Variants in R3HDM1 observed in about 807,000 individuals in gnomAD.
R3HDM1 encodes R3H domain-containing protein 1.
Under a neutral mutation model 141.1 loss-of-function variants are expected in R3HDM1, and 46 were observed. That is an observed-to-expected ratio of 0.33 (90% confidence interval 0.26 to 0.42). The LOEUF (loss-of-function observed/expected upper bound fraction) is 0.42. R3HDM1 is among the 10% of genes least tolerant of loss of function. The pLI is 1.00. For synonymous variants in R3HDM1, 435 were observed against 472.9 expected (o/e 0.92, Z 1.04); for missense variants, 1,184 against 1,368.3 (o/e 0.87, Z 2.12).
At chr2:135,707,160 A>G (rs1273256747) in intron 21 of R3HDM1, among the ~76,000 whole-genome samples, 3 of 152,234 alleles carry the variant, frequency 2.0e-5, no homozygotes, top group East Asian at 1.9e-4. Flanking sequence ...TAGGATATCA[A>G]CTTTGAATGA....
chr2:135,686,653 A>C (rs372302441), intron 21 of R3HDM1, among the ~76,000 whole-genome samples: 8 of 152,330 alleles, frequency 5.3e-5, no homozygotes, highest in East Asian at 3.9e-4. Flanking sequence ...GTGGGAAGAT[A>C]ACTTGAACCT....
intron 7 of R3HDM1, among the ~76,000 whole-genome samples, chr2:135,624,390 T>C (rs1164758141): frequency 3.0e-5 from 4 of 133,622 alleles, no homozygotes; most frequent in African/African-American, 1.1e-4. Flanking sequence ...CGAGACTCCG[T>C]CTCAAAAAAA....
At chr2:135,622,407 G>A (rs918499444) in intron 6 of R3HDM1, 65 of 984,270 alleles carry the variant, frequency 6.6e-5, no homozygotes, top group Non-Finnish European at 7.4e-5. Context: ...ACAGACACAT[G>A]TGAGAGGTTA....
chr2:135,593,707 C>CT (rs1434895459), intron 1 of R3HDM1, among the ~76,000 whole-genome samples: 1 of 151,874 alleles, frequency 6.6e-6, no homozygotes, highest in Non-Finnish European at 1.5e-5. Context: ...CTAGAATTTT[C>CT]TTTTTTATTT....
At chr2:135,572,962 A>G (rs1352302669) in intron 1 of R3HDM1, among the ~76,000 whole-genome samples, 1 of 152,232 alleles carries the variant, frequency 6.6e-6, no homozygotes, top group Non-Finnish European at 1.5e-5. Context: ...GTAAATCTAT[A>G]GAGACAGTAG....
intron 21 of R3HDM1, among the ~76,000 whole-genome samples, chr2:135,689,876 A>G (rs2072030825): frequency 1.3e-5 from 2 of 152,184 alleles, no homozygotes; most frequent in African/African-American, 2.4e-5. Flanking sequence ...GATATCTTCA[A>G]AATGCTCTCA....
chr2:135,709,700 C>G (rs935593442), intron 22 of R3HDM1, among the ~76,000 whole-genome samples, 164 bp downstream of exon 22: 4 of 152,214 alleles, frequency 2.6e-5, no homozygotes, highest in Non-Finnish European at 5.9e-5. Context: ...GTGCAGTCCA[C>G]TTCTTCCTTT....
chr2:135,590,938 T>C (rs1709120641), intron 1 of R3HDM1, among the ~76,000 whole-genome samples: 1 of 152,160 alleles, frequency 6.6e-6, no homozygotes, highest in Non-Finnish European at 1.5e-5. Flanking sequence ...GGTGCTTTCT[T>C]GAGAGAGGGC....
intron 1 of R3HDM1, among the ~76,000 whole-genome samples, chr2:135,562,366 A>G (rs1437989674): frequency 6.6e-6 from 1 of 152,244 alleles, no homozygotes; most frequent in Non-Finnish European, 1.5e-5. Context: ...TATTAACAAC[A>G]TACTAATTCT....
At chr2:135,559,577 A>G (rs1456230493) in intron 1 of R3HDM1, among the ~76,000 whole-genome samples, 2 of 152,228 alleles carry the variant, frequency 1.3e-5, no homozygotes, top group Admixed American at 1.3e-4. Context: ...AAGTATATTT[A>G]TATGCCTTAA....
At position 135,578,453 on chromosome 2, in the gene R3HDM1, A is replaced by G. The variant is rs142721041; in HGVS notation, c.-249-24047A>G. 4.8e-3 allele frequency among the ~76,000 whole-genome samples: 725 copies of G among 152,322 alleles called. 2 individuals carry two copies. Among genetic ancestry groups the G allele is most frequent in the African/African-American group, 0.01 (427 of 41,562 alleles). On this transcript the variant is annotated intron_variant, in intron 1 of 26. Transcript: ENST00000683871. ...GATAGGGAGCAGCACTTCTCTGACTATAGTTTTTTATATGACTTTGACTCT... is the reference window on the plus strand; with the variant it reads ...GATAGGGAGCAGCACTTCTCTGACTGTAGTTTTTTATATGACTTTGACTCT...
intron 19 of R3HDM1, among the ~76,000 whole-genome samples, chr2:135,663,134 CA>C (rs555551580): frequency 2.4e-3 from 221 of 90,890 alleles, no homozygotes; most frequent in Middle Eastern, 5.1e-3. Context: ...GCCTCTCTGC[CA>C]AAAAAAAAAA....
At chr2:135,572,506 A>G (rs1010306377) in intron 1 of R3HDM1, among the ~76,000 whole-genome samples, 3 of 152,220 alleles carry the variant, frequency 2.0e-5, no homozygotes, top group Admixed American at 6.5e-5. Flanking sequence ...CTTCATGCCC[A>G]CTAGGATGAC....
chr2:135,583,885 C>T (rs1707312466), intron 1 of R3HDM1: 2 of 985,272 alleles, frequency 2.0e-6, no homozygotes, highest in African/African-American at 1.7e-5. Context: ...TGCCCCAGTT[C>T]CTATCATTCA....
chr2:135,654,641 G>T (rs2065576250), intron 18 of R3HDM1, among the ~76,000 whole-genome samples: 2 of 152,014 alleles, frequency 1.3e-5, no homozygotes, highest in South Asian at 4.2e-4. Context: ...TAGAGACGGG[G>T]TTTCACCATG....
intron 21 of R3HDM1, among the ~76,000 whole-genome samples, chr2:135,695,190 C>A (rs983588917): frequency 3.3e-5 from 5 of 152,152 alleles, no homozygotes; most frequent in African/African-American, 1.2e-4. Context: ...AATACTGTTA[C>A]AAATTACAAG....
chr2:135,609,466 G>A (rs1319153993), intron 3 of R3HDM1, among the ~76,000 whole-genome samples: 2 of 152,172 alleles, frequency 1.3e-5, no homozygotes, highest in Non-Finnish European at 2.9e-5. Flanking sequence ...TATCTGACAG[G>A]TTTTTGGTTA....
intron 1 of R3HDM1, among the ~76,000 whole-genome samples, chr2:135,542,820 C>T (rs1430386088): frequency 6.6e-6 from 1 of 152,194 alleles, no homozygotes; most frequent in Non-Finnish European, 1.5e-5. Context: ...CTCACCACAA[C>T]CTCCACCTCC....
intron 19 of R3HDM1, among the ~76,000 whole-genome samples, chr2:135,672,452 T>C (rs2068530146): frequency 6.6e-6 from 1 of 152,200 alleles, no homozygotes; most frequent in South Asian, 2.1e-4. Flanking sequence ...AGCTTTTCCT[T>C]TAAGTCCAAG....
Sources: allele counts gnomAD v4.1 joint callset (sites outside exome capture counted in the v4.1 genomes callset), GRCh38; gene constraint gnomAD v4.1.1; transcripts MANE v1.5; gene names NCBI Gene and HGNC (gene_info 2026-07-23, HGNC 2026-07-21).